CDH13: variants seen among roughly 807,000 people sequenced by gnomAD.
CDH13 encodes the protein cadherin-13.
CDH13 carries 24 observed loss-of-function variants against 63.8 expected under a neutral mutation model. The ratio of observed to expected loss-of-function variants is 0.38; its 90% CI spans 0.27 to 0.53. The LOEUF (loss-of-function observed/expected upper bound fraction) is 0.53, where lower values mean the gene tolerates loss of function less well. Among genes scored for constraint, CDH13 ranks in the 20% least tolerant of loss-of-function variants. The pLI is 0.85. For missense variants in CDH13, 1,049 were observed against 903.1 expected (o/e 1.16, Z -2.07); for synonymous variants, 503 against 355.3 (o/e 1.42, Z -4.67).
chr16:83,580,162 G>A (rs1017902108), intron 7 of CDH13, among the ~76,000 whole-genome samples: 4 of 152,126 alleles, frequency 2.6e-5, no homozygotes, highest in Non-Finnish European at 4.4e-5. Context: ...GTAGCAACAG[G>A]GAGTCATGCA....
chr16:83,257,874 C>T (rs932279839), intron 5 of CDH13, among the ~76,000 whole-genome samples: 3 of 152,208 alleles, frequency 2.0e-5, no homozygotes, highest in Admixed American at 2.0e-4. Flanking sequence ...AACTCATTTA[C>T]ACTTCCACCA....
chr16:83,602,126 A>ACCC (rs1907890138), intron 7 of CDH13, among the ~76,000 whole-genome samples: 1 of 104,356 alleles, frequency 9.6e-6, no homozygotes, highest in Non-Finnish European at 2.0e-5. Flanking sequence ...AAAAAAAAAA[A>ACCC]AAAAAAAAAA....
At chr16:82,684,280 G>C (rs1047824109) in intron 1 of CDH13, among the ~76,000 whole-genome samples, 3 of 152,188 alleles carry the variant, frequency 2.0e-5, no homozygotes, top group East Asian at 1.9e-4. Context: ...CATGGTGTCT[G>C]ACATAAGGGT....
chr16:83,480,590 C>G (rs537077445), intron 6 of CDH13, among the ~76,000 whole-genome samples: 13 of 152,290 alleles, frequency 8.5e-5, no homozygotes, highest in East Asian at 7.7e-4. Context: ...ACTACAGTCA[C>G]ATTTGCAACA....
chr16:83,266,265 A>C (rs145357178), intron 5 of CDH13, among the ~76,000 whole-genome samples: 2 of 152,314 alleles, frequency 1.3e-5, no homozygotes, highest in East Asian at 1.9e-4. Context: ...CCATTTGTGC[A>C]GGAAATCAAT....
chr16:83,173,633 T>G (rs928940242), intron 4 of CDH13, among the ~76,000 whole-genome samples: 2 of 152,170 alleles, frequency 1.3e-5, no homozygotes, highest in East Asian at 1.9e-4. Flanking sequence ...TCTGAAATTC[T>G]AATTTTACTA....
chr16:83,352,876 C>T (rs561905869), intron 6 of CDH13, among the ~76,000 whole-genome samples: 14 of 152,192 alleles, frequency 9.2e-5, no homozygotes, highest in Admixed American at 3.9e-4. Context: ...GGCGATAGAG[C>T]GAGACTCCGT....
chr16:82,799,687 T>C (rs2036757039), intron 1 of CDH13, among the ~76,000 whole-genome samples: 2 of 152,188 alleles, frequency 1.3e-5, no homozygotes, highest in African/African-American at 4.8e-5. Context: ...CAGTGTGGGA[T>C]TTTGTGTTTT....
chr16:83,437,093 A>G (rs1365937708), intron 6 of CDH13, among the ~76,000 whole-genome samples: 1 of 151,812 alleles, frequency 6.6e-6, no homozygotes, highest in African/African-American at 2.4e-5. Context: ...TTTTTTTCCC[A>G]GTAGTAGGCT....
At chr16:83,734,681 A>G (rs1911364145) in intron 10 of CDH13, among the ~76,000 whole-genome samples, 1 of 151,012 alleles carries the variant, frequency 6.6e-6, no homozygotes. Flanking sequence ...ATGTATACAT[A>G]TGTAACTAAC....
intron 6 of CDH13, among the ~76,000 whole-genome samples, chr16:83,404,321 T>C (rs1334551027): frequency 6.6e-6 from 1 of 152,216 alleles, no homozygotes; most frequent in Non-Finnish European, 1.5e-5. Flanking sequence ...TCAATACTGG[T>C]CTGTCATTTC....
At chr16:83,010,459 C>T (rs904495036) in intron 2 of CDH13, among the ~76,000 whole-genome samples, 1 of 151,992 alleles carries the variant, frequency 6.6e-6, no homozygotes. Context: ...AGAGTATAAA[C>T]CATAGGTAAT....
In CDH13 at chr16:82,699,758, G is replaced by T. The variant is rs181539754; in HGVS notation, c.45+72621G>T. Among the ~76,000 whole-genome samples, 12 of 145,418 alleles carry T rather than the reference G, an allele frequency of 8.3e-5. No individual in the cohort carries two copies. The East Asian group carries it at 1.4e-3, about 16-fold the overall frequency. On this transcript the variant is annotated intron_variant, in intron 1 of 13. Coordinates refer to ENST00000567109, the MANE Select transcript of CDH13 (RefSeq NM_001257.5). Reference sequence around the variant, plus strand: ...ATCCAAACAGTGCCACAGAACAAACGTAACAGGATATTAAGATAATCTCTT... The same window carrying T: ...ATCCAAACAGTGCCACAGAACAAACTTAACAGGATATTAAGATAATCTCTT...
chr16:83,220,584 C>T (rs1308270750), intron 5 of CDH13, among the ~76,000 whole-genome samples: 1 of 140,978 alleles, frequency 7.1e-6, no homozygotes, highest in East Asian at 2.1e-4. Context: ...GCACATGTAC[C>T]ATAGAACTTA....
intron 1 of CDH13, among the ~76,000 whole-genome samples, chr16:82,727,233 GT>G (rs1452883967): frequency 6.6e-6 from 1 of 152,184 alleles, no homozygotes; most frequent in Admixed American, 6.5e-5. Context: ...ACACTCTGGT[GT>G]TTGCACTGGG....
At chr16:83,319,080 T>G (rs1217685702) in intron 5 of CDH13, among the ~76,000 whole-genome samples, 2 of 151,862 alleles carry the variant, frequency 1.3e-5, no homozygotes, top group Non-Finnish European at 2.9e-5. Context: ...CAAGTGAAGC[T>G]TAGGCATGGG....
chr16:83,050,135 C>G (rs1205721645), intron 3 of CDH13, among the ~76,000 whole-genome samples: 1 of 152,088 alleles, frequency 6.6e-6, no homozygotes, highest in Non-Finnish European at 1.5e-5. Flanking sequence ...AGAGCAAGAT[C>G]TCTTAAAAAA....
intron 2 of CDH13, among the ~76,000 whole-genome samples, chr16:82,899,813 G>T (rs576750731): frequency 6.6e-6 from 1 of 152,088 alleles, no homozygotes; most frequent in Admixed American, 6.5e-5. Context: ...CTATGTGTTC[G>T]GTATAATGGG....
chr16:82,904,587 C>T (rs938294347), intron 2 of CDH13, among the ~76,000 whole-genome samples: 10 of 152,118 alleles, frequency 6.6e-5, no homozygotes, highest in African/African-American at 2.2e-4. Flanking sequence ...GCAGGGGTTG[C>T]GGAGAGAAAG....
Sources: gnomAD v4.1 joint callset for allele counts (sites outside exome capture counted in the v4.1 genomes callset) on GRCh38, gnomAD v4.1.1 for gene constraint, MANE v1.5 for transcripts, NCBI Gene and HGNC (gene_info 2026-07-23, HGNC 2026-07-21) for gene names.